Variants in MAD1L1 observed in about 807,000 individuals in gnomAD.
MAD1L1 encodes mitotic arrest deficient 1 like 1.
MAD1L1 carries 95 observed loss-of-function variants against 96.9 expected under a neutral mutation model. The ratio of observed to expected loss-of-function variants is 0.98; its 90% CI spans 0.83 to 1.16. The LOEUF (loss-of-function observed/expected upper bound fraction) is 1.16. MAD1L1 is among the 50% of genes most tolerant of loss of function. The pLI, the probability that MAD1L1 is intolerant of heterozygous loss-of-function variation, is 0.00. For synonymous variants in MAD1L1, 473 were observed against 396.6 expected, an observed-to-expected ratio of 1.19 and a Z score of -2.29; for missense variants, 1,007 against 954.4, an observed-to-expected ratio of 1.06 and a Z score of -0.73.
intron 12 of MAD1L1, among the ~76,000 whole-genome samples, chr7:2,015,231 G>A (rs1016375766): frequency 1.3e-5 from 2 of 152,204 alleles, no homozygotes; most frequent in Non-Finnish European, 2.9e-5. Context: ...TCGTCCAACC[G>A]CCCAGGGCTC....
At chr7:2,010,654 A>G (rs952568411) in intron 13 of MAD1L1, among the ~76,000 whole-genome samples, 8 of 152,244 alleles carry the variant, frequency 5.3e-5, no homozygotes, top group African/African-American at 1.7e-4. Context: ...CGTCTCTGCT[A>G]GAATGAAAAC....
chr7:2,060,472 G>A (rs1371508000), intron 12 of MAD1L1, among the ~76,000 whole-genome samples: 2 of 152,020 alleles, frequency 1.3e-5, no homozygotes, highest in Non-Finnish European at 2.9e-5. Flanking sequence ...CTGATGTCGA[G>A]ATATGCCAAT....
chr7:1,881,941 G>A (rs964782223), intron 18 of MAD1L1, among the ~76,000 whole-genome samples: 25 of 152,210 alleles, frequency 1.6e-4, no homozygotes, highest in African/African-American at 5.3e-4. Flanking sequence ...CTGGTGCCAC[G>A]GTAGAAGGGT....
chr7:2,022,403 G>C (rs1235180258), intron 12 of MAD1L1, among the ~76,000 whole-genome samples: 1 of 152,196 alleles, frequency 6.6e-6, no homozygotes, highest in Non-Finnish European at 1.5e-5. Flanking sequence ...GGCTGAGGCA[G>C]GTGGATCACC....
rs1786136019 is a variant in MAD1L1, at chr7:2,090,224, C to G, written c.1074-20886G>C. On this transcript the variant is annotated intron_variant, in intron 11 of 18. Coordinates refer to ENST00000265854, the MANE Select transcript of MAD1L1 (RefSeq NM_001013836.2). ...AGGTGGAGGTGAGAGAAGGGTAGGC[C>G]AGAAGACAAAGCAGGTCCACTGAGT... 2.6e-5 allele frequency among the ~76,000 whole-genome samples: 4 copies of G among 152,212 alleles called. No individual in the cohort carries two copies. The South Asian group carries it at 8.3e-4, about 32-fold the overall frequency.
intron 12 of MAD1L1, among the ~76,000 whole-genome samples, chr7:2,057,046 C>T (rs796928303): frequency 6.6e-6 from 1 of 152,356 alleles, no homozygotes; most frequent in African/African-American, 2.4e-5. Context: ...CTTCCCACAC[C>T]CTCCCTGACA....
chr7:1,903,736 G>A lies in MAD1L1; in HGVS notation c.1808-5346C>T, dbSNP rs576477022. ...TGCTCCAGGCAGCAAGGATGCAGTGGCCTATGGAAGACGCTCTTGCAGAAT... is the reference window on the plus strand; with the variant it reads ...TGCTCCAGGCAGCAAGGATGCAGTGACCTATGGAAGACGCTCTTGCAGAAT... On this transcript the variant is annotated intron_variant, in intron 17 of 18. Coordinates refer to ENST00000265854, the MANE Select transcript of MAD1L1 (RefSeq NM_001013836.2). 4.3e-4 allele frequency among the ~76,000 whole-genome samples: 62 copies of A among 144,428 alleles called. 2 individuals are homozygous for A. Among genetic ancestry groups the A allele is most frequent in the African/African-American group, 1.7e-3 (60 of 36,190 alleles). The allele number at this position is 144,428 out of a possible 152,430, so 94.8% of individuals were successfully genotyped here.
intron 18 of MAD1L1, among the ~76,000 whole-genome samples, chr7:1,877,594 C>T (rs1355254533): frequency 5.9e-5 from 9 of 152,040 alleles, no homozygotes; most frequent in African/African-American, 2.2e-4. Flanking sequence ...CATAGATTAT[C>T]AGTCTGAATA....
At chr7:1,895,750 G>A (rs748340182) in intron 18 of MAD1L1, among the ~76,000 whole-genome samples, 1 of 152,204 alleles carries the variant, frequency 6.6e-6, no homozygotes, top group Non-Finnish European at 1.5e-5. Context: ...TTCCGGAGGC[G>A]GCTGCCTCAG....
intron 18 of MAD1L1, among the ~76,000 whole-genome samples, chr7:1,884,035 T>A (rs1488131171): frequency 6.6e-6 from 1 of 151,418 alleles, no homozygotes; most frequent in Non-Finnish European, 1.5e-5. Context: ...ATCTGACCGC[T>A]CCATCCTCAC....
intron 1 of MAD1L1, among the ~76,000 whole-genome samples, chr7:2,232,040 G>A (rs1794218144): frequency 6.6e-6 from 1 of 152,192 alleles, no homozygotes; most frequent in Non-Finnish European, 1.5e-5. Context: ...TTACAGAACG[G>A]AGATTGGAAC....
At position 1,855,207 on chromosome 7, in the gene MAD1L1, C is replaced by T. The variant is rs527288119; in HGVS notation, c.1999-38979G>A. Among the ~76,000 whole-genome samples, 8 of 152,252 alleles carry T rather than the reference C, an allele frequency of 5.3e-5. No individual in the cohort carries two copies. In the South Asian group the frequency reaches 1.7e-3, roughly 32 times the overall value. On this transcript the variant is annotated intron_variant, in intron 18 of 18. Transcript: ENST00000265854. Reference sequence around the variant, plus strand: ...TTCCCGTCTCCCTCCTCTTTGGTTCCAGCTGGCGGTGTCTCTGCCGCAGTG... The same window carrying T: ...TTCCCGTCTCCCTCCTCTTTGGTTCTAGCTGGCGGTGTCTCTGCCGCAGTG...
intron 18 of MAD1L1, among the ~76,000 whole-genome samples, chr7:1,822,209 A>G (rs1782162024): frequency 6.6e-6 from 1 of 152,098 alleles, no homozygotes; most frequent in African/African-American, 2.4e-5. Context: ...AAAAGGCAAT[A>G]TAATTTACAG....
Position 1,957,558 on chromosome 7 carries a change from C to T in MAD1L1, c.1596+71G>A, listed in dbSNP as rs148447208. The T allele has an allele frequency of 8.0e-4, 1,174 of 1,461,258 alleles. 9 individuals carry two copies. In the African/African-American group the frequency reaches 0.014, roughly 17 times the overall value. 90.5% of individuals were successfully genotyped at this position (1,461,258 alleles called of 1,614,324 possible). A position where few individuals can be genotyped will look rare whatever the true frequency, so the allele number is the denominator to read the frequency against. On this transcript the variant is annotated intron_variant, in intron 16 of 18. Transcript: ENST00000265854. ...GGGTGTTCTGTGGCAGCAGGAACCA[C>T]GGTCGTTCACGACGCCCAAAGAAAT...
intron 18 of MAD1L1, chr7:1,854,390 G>A (rs750610630): frequency 4.9e-5 from 23 of 465,910 alleles, no homozygotes; most frequent in African/African-American, 1.2e-4. Context: ...TGGTCCACTC[G>A]GCCGCTGCAG....
chr7:2,224,967 G>A (rs568157097), intron 4 of MAD1L1, among the ~76,000 whole-genome samples: 1 of 152,270 alleles, frequency 6.6e-6, no homozygotes, highest in East Asian at 1.9e-4. Context: ...TGGCATTTCT[G>A]CCAGACCTGC....
intron 12 of MAD1L1, among the ~76,000 whole-genome samples, chr7:2,061,100 A>C (rs984699852): frequency 6.6e-6 from 1 of 152,240 alleles, no homozygotes; most frequent in Admixed American, 6.5e-5. Context: ...ACACTTTGGA[A>C]GGCTGAGGCA....
intron 18 of MAD1L1, chr7:1,849,929 G>A (rs909417032): frequency 4.6e-5 from 7 of 152,218 alleles, no homozygotes; most frequent in Non-Finnish European, 7.3e-5. Flanking sequence ...GAGCCCACGC[G>A]GCAGCAGTTG....
chr7:2,166,593 G>A (rs1342971875), intron 10 of MAD1L1, among the ~76,000 whole-genome samples: 1 of 151,850 alleles, frequency 6.6e-6, no homozygotes, highest in African/African-American at 2.4e-5. Context: ...AAGAAAGCTA[G>A]ATAATGGCCC....
Sources: allele counts gnomAD v4.1 joint callset (sites outside exome capture counted in the v4.1 genomes callset), GRCh38; gene constraint gnomAD v4.1.1; transcripts MANE v1.5; gene names NCBI Gene and HGNC (gene_info 2026-07-23, HGNC 2026-07-21).